Variants in DNAJC10 observed in about 807,000 individuals in gnomAD.
The protein encoded by DNAJC10 is DnaJ heat shock protein family (Hsp40) member C10.
A neutral mutation model predicts 115.0 loss-of-function variants in DNAJC10; 101 were observed. The observed-to-expected ratio is 0.88, with a 90% CI of 0.75 to 1.04. The LOEUF (loss-of-function observed/expected upper bound fraction) is 1.04, where lower values mean the gene tolerates loss of function less well. Ranked by LOEUF, DNAJC10 falls within the 50% of genes least tolerant of loss-of-function variation. The pLI, the probability that DNAJC10 is intolerant of heterozygous loss-of-function variation, is 0.00. For missense variants in DNAJC10, 981 were observed against 928.8 expected (o/e 1.06, Z -0.73); for synonymous variants, 307 against 301.5 (o/e 1.02, Z -0.19).
At position 182,782,502 on chromosome 2, in the gene DNAJC10, A is replaced by C. The variant is rs1338010037; in HGVS notation, c.*5370A>C. On this transcript the variant is annotated 3_prime_UTR_variant, in exon 24 of 24. Coordinates refer to ENST00000264065, the MANE Select transcript of DNAJC10 (RefSeq NM_018981.4). ...GGGAATAGCATTGAATCTATAAATT[A>C]CTTTGGGCAGTATGACTATTTCACA... is the stretch of plus-strand genomic sequence containing the variant. 2.0e-5 allele frequency: 3 copies of C among 151,238 alleles called. No individual in the cohort carries two copies. The highest frequency in any genetic ancestry group is 7.4e-5 in the African/African-American group (3 of 40,548). The allele number at this position is 151,238 out of a possible 1,614,324, so 9.4% of individuals were successfully genotyped here.
Position 182,758,740 on chromosome 2 carries a change from T to C in DNAJC10, c.1944-97T>C, listed in dbSNP as rs1694218047. On this transcript the variant is annotated intron_variant, in intron 19 of 23. Transcript: ENST00000264065. ...AGAGATACCAGATGAAATCAATCAA[T>C]ATAACTTATTTTTTAAATTGCTACA... 2.1e-5 allele frequency: 18 copies of C among 870,282 alleles called. No individual in the cohort carries two copies. In the South Asian group the frequency reaches 2.7e-4, roughly 13 times the overall value. 53.9% of individuals were successfully genotyped at this position (870,282 alleles called of 1,614,324 possible).
At chr2:182,720,418 T>C (rs1015466087) in intron 4 of DNAJC10, among the ~76,000 whole-genome samples, 1 of 152,220 alleles carries the variant, frequency 6.6e-6, no homozygotes, top group South Asian at 2.1e-4. Flanking sequence ...ATAAAAAATA[T>C]GCATTCATGG....
Position 182,722,030 on chromosome 2 carries a change from T to C in DNAJC10, c.373T>C (p.Tyr125His). ...TTATATACTTTTAAAATTAGGTATT[T>C]ATGATGATGATCCTGAAATCATAAC... ...WNYYRYDFGI[Y>H]DDDPEIITLE... The change falls in exon 5 of 24, where the codon TAT becomes CAT. Residue 125 changes from tyrosine to histidine, a missense_variant. Physicochemically the swap from Tyr to His is moderately conservative, Grantham distance 83 (BLOSUM62 2). Coordinates refer to ENST00000264065, the MANE Select transcript of DNAJC10 (RefSeq NM_018981.4). 6.5e-7 allele frequency: 1 copy of C among 1,530,206 alleles called. No individual in the cohort carries two copies. Among genetic ancestry groups the C allele is most frequent in the Non-Finnish European group, 8.9e-7 (1 of 1,127,708 alleles). 94.8% of individuals were successfully genotyped at this position (1,530,206 alleles called of 1,614,324 possible). A position where few individuals can be genotyped will look rare whatever the true frequency, so the allele number is the denominator to read the frequency against.
intron 22 of DNAJC10, among the ~76,000 whole-genome samples, chr2:182,770,876 G>A (rs960594206): frequency 6.6e-6 from 1 of 152,186 alleles, no homozygotes; most frequent in African/African-American, 2.4e-5. Flanking sequence ...GGGCGTCCTT[G>A]TATTGTGCTG....
At position 182,718,208 on chromosome 2, in the gene DNAJC10, G is replaced by A. The variant is rs151277356; in HGVS notation, c.122G>A (p.Gly41Glu). 1.1e-5 allele frequency: 17 copies of A among 1,613,514 alleles called. No individual in the cohort carries two copies. Among genetic ancestry groups the A allele is most frequent in the Non-Finnish European group, 1.4e-5 (17 of 1,179,792 alleles). ...GTDQDFYSLL[G>E]VSKTASSREI... ...GATCAGGATTTTTACAGTTTACTTG[G>A]AGTGTCCAAAACTGCAAGCAGTAGA... Residue 41 changes from glycine to glutamate, a missense_variant, in exon 3 of 24, where the codon GGA becomes GAA. Gly to Glu is a moderately conservative substitution (Grantham distance 98). Transcript: ENST00000264065.
chr2:182,775,493 T>A, intron 23 of DNAJC10, 73 bp downstream of exon 23: 1 of 839,972 alleles, frequency 1.2e-6, no homozygotes, highest in Non-Finnish European at 2.0e-6. Flanking sequence ...TCCTATACAT[T>A]ACATGCATCC....
At chr2:182,746,615 A>T (rs1248575249) in intron 14 of DNAJC10, among the ~76,000 whole-genome samples, 1 of 152,156 alleles carries the variant, frequency 6.6e-6, no homozygotes, top group Non-Finnish European at 1.5e-5. Flanking sequence ...AGTTCATTGT[A>T]GATTCTGCAT....
chr2:182,736,335 T>G lies in DNAJC10; in HGVS notation c.936T>G (p.Ala312=). The G allele has an allele frequency of 6.3e-7, 1 of 1,590,056 alleles. No individual in the cohort carries two copies. The highest frequency in any genetic ancestry group is 8.5e-7 in the Non-Finnish European group (1 of 1,170,616). Reference sequence around the variant, plus strand: ...TAGATATTACAACAAGTACTACTGCTTATTTTCCTCCTGGAGCCACTTTAA... The same window carrying G: ...TAGATATTACAACAAGTACTACTGCGTATTTTCCTCCTGGAGCCACTTTAA... The part of the protein sequence containing the change: ...KSLDITTSTT[A]YFPPGATLNN... Residue 312 remains alanine (A), a synonymous_variant, in exon 11 of 24, where the codon GCT becomes GCG. Coordinates refer to ENST00000264065, the MANE Select transcript of DNAJC10 (RefSeq NM_018981.4).
chr2:182,728,781 T>C, intron 6 of DNAJC10, 82 bp from the exon 7 acceptor site: 4 of 1,538,578 alleles, frequency 2.6e-6, no homozygotes, highest in Non-Finnish European at 3.6e-6. Context: ...AAATGTCTGG[T>C]TTAAAAATAT....
chr2:182,720,050 C>T lies in DNAJC10; in HGVS notation c.248C>T (p.Ala83Val). The T allele has an allele frequency of 6.3e-7, 1 of 1,592,576 alleles. No individual in the cohort carries two copies. Among genetic ancestry groups the T allele is most frequent in the Non-Finnish European group, 8.6e-7 (1 of 1,161,524 alleles). The change falls in exon 4 of 24, where the codon GCA becomes GTA. Residue 83 changes from alanine (A) to valine (V), a missense_variant. Physicochemically the swap from Ala to Val is moderately conservative, Grantham distance 64 (BLOSUM62 0). Transcript: ENST00000264065. ...AHGDFLKINR[A>V]YEVLKDEDLR... is the part of the protein sequence containing the mutation. ...GGCGATTTTTTAAAAATAAATAGAG[C>T]ATATGAAGTACTCAAAGATGAAGAT...
chr2:182,716,644 T>C (rs1044338318), intron 1 of DNAJC10, among the ~76,000 whole-genome samples, 161 bp downstream of exon 1: 4 of 152,206 alleles, frequency 2.6e-5, no homozygotes, highest in African/African-American at 4.8e-5. Flanking sequence ...CTCCCTGTTA[T>C]TCACACCACC....
At chr2:182,733,674 T>C (rs1164087670) in intron 10 of DNAJC10, among the ~76,000 whole-genome samples, 1 of 127,560 alleles carries the variant, frequency 7.8e-6, no homozygotes, top group African/African-American at 3.0e-5. Context: ...ACAACTGTTG[T>C]TATTTCTTTC....
chr2:182,790,588 C>T lies in DNAJC10; in HGVS notation c.*13456C>T, dbSNP rs955090687. On this transcript the variant is annotated 3_prime_UTR_variant, in exon 24 of 24. Transcript: ENST00000264065. The stretch of plus-strand genomic sequence containing the variant: ...ATCCCTTGAGGTTAAGAGTTCAAGA[C>T]CAGCCTGGCCAACATGGTGAAACGC... 4 of 152,022 alleles carry T rather than the reference C, an allele frequency of 2.6e-5. No homozygotes were observed. Among genetic ancestry groups the T allele is most frequent in the Middle Eastern group, 6.8e-3 (2 of 294 alleles). 9.4% of individuals were successfully genotyped at this position (152,022 alleles called of 1,614,324 possible).
intron 16 of DNAJC10, chr2:182,752,564 G>T (rs139013721): frequency 3.2e-6 from 3 of 935,716 alleles, no homozygotes; most frequent in East Asian, 2.3e-4. Context: ...TTGCTGGAAA[G>T]AAGTTAAAAC....
chr2:182,773,429 A>C (rs1486087607), intron 22 of DNAJC10, among the ~76,000 whole-genome samples: 3 of 152,168 alleles, frequency 2.0e-5, no homozygotes, highest in Non-Finnish European at 4.4e-5. Flanking sequence ...AGTGTTTTCC[A>C]ACTTGGTTCC....
chr2:182,740,129 T>C, intron 11 of DNAJC10, 170 bp from the exon 12 acceptor site: 1 of 1,142,928 alleles, frequency 8.7e-7, no homozygotes, highest in Non-Finnish European at 1.1e-6. Context: ...TTTTTGATAA[T>C]TGCCAAAATA....
rs531081638 is a variant in DNAJC10, at chr2:182,757,575, G to C, written c.1810-117G>C. The C allele has an allele frequency of 6.6e-6, 5 of 753,256 alleles. No homozygotes were observed. In the South Asian group the frequency reaches 2.1e-4, roughly 32 times the overall value. 46.7% of individuals were successfully genotyped at this position (753,256 alleles called of 1,614,324 possible). ...GTTAAACCCTTATCCATTTTTATTG[G>C]GTAAAAGTCACTGATAAATAATATA... On this transcript the variant is annotated intron_variant, in intron 18 of 23. Transcript: ENST00000264065.
chr2:182,756,279 T>C lies in DNAJC10; in HGVS notation c.1654-35T>C, dbSNP rs760627640. On this transcript the variant is annotated intron_variant, in intron 17 of 23. Coordinates refer to ENST00000264065, the MANE Select transcript of DNAJC10 (RefSeq NM_018981.4). ...GGAATATATGAACAGCTATGCTTTATATATATGTTATAATGGAAGCTATAT... is the reference window on the plus strand; with the variant it reads ...GGAATATATGAACAGCTATGCTTTACATATATGTTATAATGGAAGCTATAT... The C allele has an allele frequency of 1.9e-6, 3 of 1,569,488 alleles. No individual in the cohort carries two copies. The African/African-American group carries it at 4.1e-5, about 21-fold the overall frequency.
intron 10 of DNAJC10, among the ~76,000 whole-genome samples, chr2:182,733,660 C>T (rs1693507330): frequency 1.4e-5 from 2 of 145,324 alleles, no homozygotes; most frequent in Admixed American, 1.4e-4. Flanking sequence ...GAAACAGTTT[C>T]TGTACAACTG....
Sources: gnomAD v4.1 joint callset for allele counts (sites outside exome capture counted in the v4.1 genomes callset) on GRCh38, gnomAD v4.1.1 for gene constraint, MANE v1.5 for transcripts, NCBI Gene and HGNC (gene_info 2026-07-23, HGNC 2026-07-21) for gene names.